STXBP5L: variants seen among roughly 807,000 people sequenced by gnomAD.
The protein encoded by STXBP5L is syntaxin binding protein 5L.
Under a neutral mutation model 144.5 loss-of-function variants are expected in STXBP5L, and 65 were observed. That is an observed-to-expected ratio of 0.45 (90% CI 0.37 to 0.55). The LOEUF is 0.55. Ranked by LOEUF, STXBP5L falls within the 20% of genes least tolerant of loss-of-function variation. The pLI, the probability that STXBP5L is intolerant of heterozygous loss-of-function variation, is 0.00. For synonymous variants in STXBP5L, 505 were observed against 469.6 expected (o/e 1.08, Z -0.97); for missense variants, 1,298 against 1,405.5 (o/e 0.92, Z 1.22).
chr3:121,353,351 A>T (rs2045376791), intron 20 of STXBP5L, among the ~76,000 whole-genome samples: 1 of 152,086 alleles, frequency 6.6e-6, no homozygotes, highest in South Asian at 2.1e-4. Context: ...TTATCACATC[A>T]GTTTCAGAGC....
intron 3 of STXBP5L, among the ~76,000 whole-genome samples, chr3:121,014,938 C>G (rs1560003164): frequency 6.6e-6 from 1 of 151,844 alleles, no homozygotes; most frequent in East Asian, 1.9e-4. Flanking sequence ...TAATAAAGTA[C>G]TTAGGGATAA....
chr3:121,408,242 G>A (rs1447349811), intron 23 of STXBP5L, among the ~76,000 whole-genome samples: 3 of 151,832 alleles, frequency 2.0e-5, no homozygotes, highest in Admixed American at 6.6e-5. Context: ...TAAAATTTAC[G>A]AGACACAAAA....
chr3:121,091,006 C>A (rs772318271), intron 5 of STXBP5L, among the ~76,000 whole-genome samples: 1 of 147,904 alleles, frequency 6.8e-6, no homozygotes, highest in Non-Finnish European at 1.5e-5. Context: ...TCAATTCCCA[C>A]CTATGAGTGA....
At chr3:121,096,909 G>T (rs1337063679) in intron 5 of STXBP5L, among the ~76,000 whole-genome samples, 2 of 152,186 alleles carry the variant, frequency 1.3e-5, no homozygotes, top group African/African-American at 4.8e-5. Flanking sequence ...GAGCTGTCAG[G>T]CAGGGATGTT....
intron 3 of STXBP5L, among the ~76,000 whole-genome samples, chr3:121,005,972 C>A (rs1262479023): frequency 1.3e-5 from 2 of 152,086 alleles, no homozygotes; most frequent in Non-Finnish European, 2.9e-5. Context: ...TTACTTCCAA[C>A]TATGTGGTCA....
At chr3:121,085,219 A>C (rs184859447) in intron 5 of STXBP5L, among the ~76,000 whole-genome samples, 5 of 152,136 alleles carry the variant, frequency 3.3e-5, no homozygotes, top group African/African-American at 4.8e-5. Context: ...TCTTTAGTTT[A>C]ATTACATCCC....
At chr3:121,313,645 C>T (rs1373736898) in intron 19 of STXBP5L, among the ~76,000 whole-genome samples, 2 of 79,658 alleles carry the variant, frequency 2.5e-5, no homozygotes, top group African/African-American at 5.3e-5. Flanking sequence ...GGCGGCTGGC[C>T]GGGCAGAGGG....
chr3:121,155,002 C>T (rs144593030), intron 8 of STXBP5L, among the ~76,000 whole-genome samples: 2 of 151,882 alleles, frequency 1.3e-5, no homozygotes, highest in East Asian at 3.9e-4. Flanking sequence ...TTATCTTTTG[C>T]CTGGATGACT....
chr3:121,206,866 G>A (rs2048354959), intron 10 of STXBP5L, among the ~76,000 whole-genome samples: 1 of 151,928 alleles, frequency 6.6e-6, no homozygotes, highest in Admixed American at 6.6e-5. Context: ...CCTTTTACTT[G>A]GCAATAATAA....
At chr3:120,976,438 C>G (rs915197313) in intron 3 of STXBP5L, among the ~76,000 whole-genome samples, 1 of 151,982 alleles carries the variant, frequency 6.6e-6, no homozygotes, top group African/African-American at 2.4e-5. Context: ...TCTCTCTTTT[C>G]TTCTTTAGTA....
chr3:121,293,216 A>G (rs1354143001), intron 19 of STXBP5L, among the ~76,000 whole-genome samples: 1 of 152,202 alleles, frequency 6.6e-6, no homozygotes, highest in Non-Finnish European at 1.5e-5. Context: ...ATCAGGAAAA[A>G]AAAGGACACA....
chr3:121,080,822 C>T (rs2042220062), intron 5 of STXBP5L, among the ~76,000 whole-genome samples: 1 of 152,142 alleles, frequency 6.6e-6, no homozygotes, highest in Non-Finnish European at 1.5e-5. Context: ...CATTGTTTAG[C>T]CTGATGATTG....
intron 2 of STXBP5L, among the ~76,000 whole-genome samples, chr3:120,918,246 A>T (rs1412812932): frequency 6.6e-6 from 1 of 152,178 alleles, no homozygotes; most frequent in Non-Finnish European, 1.5e-5. Flanking sequence ...TCTCCCCATT[A>T]CAAGGTTAGT....
chr3:121,106,198 G>C (rs1488275233), intron 5 of STXBP5L, among the ~76,000 whole-genome samples: 2 of 152,078 alleles, frequency 1.3e-5, no homozygotes, highest in African/African-American at 2.4e-5. Flanking sequence ...TAGATAGTAT[G>C]ATTTGAAGAA....
At chr3:120,972,318 A>G (rs1257624421) in intron 3 of STXBP5L, among the ~76,000 whole-genome samples, 1 of 151,848 alleles carries the variant, frequency 6.6e-6, no homozygotes, top group Admixed American at 6.6e-5. Context: ...CTAGATATAC[A>G]TTTTTCTAGC....
rs541621670 is a variant in STXBP5L at position 120,996,575 on chromosome 3, T to A, written c.287+41538T>A. ...ACCTCTAAAACTCATTCATCCTGTATAACTGAAACTTTGTACACTTTAACT... is the reference window on the plus strand; with the variant it reads ...ACCTCTAAAACTCATTCATCCTGTAAAACTGAAACTTTGTACACTTTAACT... On this transcript the variant is annotated intron_variant, in intron 3 of 26. Coordinates refer to ENST00000471454, the MANE Select transcript of STXBP5L (RefSeq NM_001308330.2). 2.6e-5 allele frequency among the ~76,000 whole-genome samples: 4 copies of A among 152,274 alleles called. No homozygotes were observed. The East Asian group carries it at 7.7e-4, about 29-fold the overall frequency.
intron 3 of STXBP5L, among the ~76,000 whole-genome samples, chr3:120,970,335 A>G (rs1269912805): frequency 6.6e-6 from 1 of 151,966 alleles, no homozygotes; most frequent in African/African-American, 2.4e-5. Flanking sequence ...TTTATTTTAG[A>G]TTGAATAGCT....
In STXBP5L at chr3:121,032,072, G is replaced by T. The variant is rs1946409918; in HGVS notation, c.288-9628G>T. ...GATACATTTTCTGAAATTTGGGGAA[G>T]AATTCTGAGCTGCAGATAAAGATTT... On this transcript the variant is annotated intron_variant, in intron 3 of 26. Coordinates refer to ENST00000471454, the MANE Select transcript of STXBP5L (RefSeq NM_001308330.2). 2.0e-5 allele frequency among the ~76,000 whole-genome samples: 3 copies of T among 152,160 alleles called. No individual in the cohort carries two copies. The South Asian group carries it at 6.2e-4, about 32-fold the overall frequency.
chr3:121,323,504 T>C (rs1255119263), intron 20 of STXBP5L, among the ~76,000 whole-genome samples: 1 of 152,126 alleles, frequency 6.6e-6, no homozygotes, highest in Non-Finnish European at 1.5e-5. Flanking sequence ...AGAGCAGGGA[T>C]TGGGAGCTTG....
Sources: gnomAD v4.1 joint callset for allele counts (sites outside exome capture counted in the v4.1 genomes callset) on GRCh38, gnomAD v4.1.1 for gene constraint, MANE v1.5 for transcripts, NCBI Gene and HGNC (gene_info 2026-07-23, HGNC 2026-07-21) for gene names.